TUT4: variants seen among roughly 807,000 people sequenced by gnomAD.
The protein encoded by TUT4 is terminal uridylyltransferase 4.
TUT4 carries 36 observed loss-of-function variants against 192.2 expected under a neutral mutation model. The ratio of observed to expected loss-of-function variants is 0.19; its 90% CI spans 0.14 to 0.25. TUT4 has a LOEUF of 0.25. Among genes scored for constraint, TUT4 ranks in the 10% least tolerant of loss-of-function variants. The pLI is 1.00. For missense variants in TUT4, 1,493 were observed against 1,957.2 expected, an observed-to-expected ratio of 0.76 and a Z score of 4.47; for synonymous variants, 618 against 666.0, an observed-to-expected ratio of 0.93 and a Z score of 1.11.
chr1:52,462,969 C>A (rs1570571273), intron 16 of TUT4: 1 of 985,422 alleles, frequency 1.0e-6, no homozygotes, highest in African/African-American at 1.7e-5. Flanking sequence ...GGAGCCATTG[C>A]AGCTAAACCA....
intron 1 of TUT4, among the ~76,000 whole-genome samples, chr1:52,547,226 C>T (rs1466644698): frequency 6.7e-6 from 1 of 150,216 alleles, no homozygotes; most frequent in Non-Finnish European, 1.5e-5. Context: ...TTTTTAAAAA[C>T]GGGTAAAGGA....
intron 6 of TUT4, among the ~76,000 whole-genome samples, chr1:52,493,883 ACTT>A (rs1168266896): frequency 6.6e-6 from 1 of 151,762 alleles, no homozygotes; most frequent in Non-Finnish European, 1.5e-5. Context: ...TACAGCCTGA[ACTT>A]CTGGGCTCAA....
chr1:52,429,259 AT>A (rs1314473553), intron 28 of TUT4, among the ~76,000 whole-genome samples: 1 of 150,724 alleles, frequency 6.6e-6, no homozygotes, highest in Non-Finnish European at 1.5e-5. Context: ...GATTTTTTGT[AT>A]TTTTTAAGTA....
At chr1:52,465,235 A>C in intron 15 of TUT4, 62 bp from the exon 16 acceptor site, 7 of 1,147,936 alleles carry the variant, frequency 6.1e-6, no homozygotes, top group Non-Finnish European at 9.0e-6. Flanking sequence ...GTCTTCTGCT[A>C]TCTGCTGATG....
intron 6 of TUT4, among the ~76,000 whole-genome samples, 169 bp from the exon 7 acceptor site, chr1:52,493,831 G>C (rs1276447163): frequency 6.6e-6 from 1 of 151,334 alleles, no homozygotes; most frequent in African/African-American, 2.4e-5. Flanking sequence ...TTGAGATGAG[G>C]TTTCCCTGTA....
chr1:52,536,021 G>C (rs1195754892), intron 1 of TUT4, among the ~76,000 whole-genome samples: 4 of 152,168 alleles, frequency 2.6e-5, no homozygotes, highest in Non-Finnish European at 5.9e-5. Context: ...GAGATGAAAA[G>C]ACATTAGACA....
intron 2 of TUT4, among the ~76,000 whole-genome samples, chr1:52,519,706 G>A (rs964022882): frequency 1.3e-5 from 2 of 151,928 alleles, no homozygotes; most frequent in South Asian, 2.1e-4. Context: ...ACGGGGTTTC[G>A]CCATGTTGGC....
chr1:52,444,104 C>T (rs1198450436), intron 24 of TUT4, among the ~76,000 whole-genome samples: 1 of 152,008 alleles, frequency 6.6e-6, no homozygotes, highest in Non-Finnish European at 1.5e-5. Flanking sequence ...GGCGTGGTGT[C>T]GGGCGCCTGT....
Position 52,438,351 on chromosome 1 carries a change from A to G in TUT4, c.3823-16T>C. On this transcript the variant is annotated splice_polypyrimidine_tract_variant and intron_variant, in intron 24 of 29. Transcript: ENST00000257177. ...AGAAGTACTCCTAGGGAGAAAATGC[A>G]ATTTTACTAGGAGGAATCACTATAA... The G allele has an allele frequency of 6.4e-7, 1 of 1,567,968 alleles. No individual in the cohort carries two copies. Among genetic ancestry groups the G allele is most frequent in the Non-Finnish European group, 8.7e-7 (1 of 1,148,280 alleles).
intron 1 of TUT4, among the ~76,000 whole-genome samples, chr1:52,533,095 C>T (rs986923839): frequency 1.3e-5 from 2 of 152,162 alleles, no homozygotes; most frequent in Non-Finnish European, 2.9e-5. Flanking sequence ...CAAACAAACC[C>T]AGGTCATGTC....
Position 52,431,077 on chromosome 1 carries a change from A to G in TUT4, c.4647T>C (p.Asp1549=), listed in dbSNP as rs140554523. 8.7e-6 allele frequency: 14 copies of G among 1,613,928 alleles called. No homozygotes were observed. The highest frequency in any genetic ancestry group is 1.1e-5 in the Non-Finnish European group (13 of 1,179,826). The change falls in exon 28 of 30, where the codon GAT becomes GAC. Residue 1549 remains aspartate, a synonymous_variant. Coordinates refer to ENST00000257177, the MANE Select transcript of TUT4 (RefSeq NM_001009881.3). ...RPVAIPNTSH[D]GHWPRTVAPN... ...GAGCCACAGTACGGGGCCAGTGTCC[A>G]TCGTGAGACGTGTTAGGGATTGCCA...
chr1:52,498,496 G>A lies in TUT4; in HGVS notation c.1000-1313C>T, dbSNP rs562944005. 1.1e-4 allele frequency among the ~76,000 whole-genome samples: 17 copies of A among 151,854 alleles called. No individual in the cohort carries two copies. The South Asian group carries it at 2.5e-3, about 22-fold the overall frequency. On this transcript the variant is annotated intron_variant, in intron 4 of 29. Coordinates refer to ENST00000257177, the MANE Select transcript of TUT4 (RefSeq NM_001009881.3). Reference sequence around the variant, plus strand: ...GCTGACCTCGTGGTCCACCCACCTCGGCCTCCCAAAGTGGTGGGATTACAG... The same window carrying A: ...GCTGACCTCGTGGTCCACCCACCTCAGCCTCCCAAAGTGGTGGGATTACAG...
Position 52,467,679 on chromosome 1 carries a change from G to C in TUT4, c.2965+502C>G, listed in dbSNP as rs76604831. 5.2e-3 allele frequency among the ~76,000 whole-genome samples: 797 copies of C among 152,130 alleles called. 31 individuals carry two copies. In the East Asian group the frequency reaches 0.095, roughly 18 times the overall value. Reference sequence around the variant, plus strand: ...AAAGGCTTTCTACCAACATCCATAAGGCACTAATGACTTAATCCCTAGACC... The same window carrying C: ...AAAGGCTTTCTACCAACATCCATAACGCACTAATGACTTAATCCCTAGACC... On this transcript the variant is annotated intron_variant, in intron 15 of 29. Transcript: ENST00000257177.
At position 52,532,077 on chromosome 1, in the gene TUT4, G is replaced by A. The variant is rs537384477; in HGVS notation, c.-93-5704C>T. On this transcript the variant is annotated intron_variant, in intron 1 of 29. Transcript: ENST00000257177. The stretch of plus-strand genomic sequence containing the variant: ...TAATTTTTGTATTTTTAGCAGATAC[G>A]GGGTTTTACCATGTTGGTCAGGATG... 4.0e-5 allele frequency among the ~76,000 whole-genome samples: 6 copies of A among 151,242 alleles called. No individual in the cohort carries two copies. In the South Asian group the frequency reaches 8.4e-4, roughly 21 times the overall value.
At chr1:52,511,812 TTA>T (rs1677232716) in intron 3 of TUT4, among the ~76,000 whole-genome samples, 1 of 152,212 alleles carries the variant, frequency 6.6e-6, no homozygotes, top group African/African-American at 2.4e-5. Flanking sequence ...CATTGAAGGT[TTA>T]TGAGCAGAGA....
At chr1:52,534,087 A>G (rs761128499) in intron 1 of TUT4, among the ~76,000 whole-genome samples, 56 of 152,234 alleles carry the variant, frequency 3.7e-4, no homozygotes, top group Admixed American at 6.5e-4. Flanking sequence ...CACTCCCCTC[A>G]TTCATTCCTT....
chr1:52,436,682 G>A, intron 26 of TUT4, 73 bp downstream of exon 26: 1 of 1,592,422 alleles, frequency 6.3e-7, no homozygotes, highest in Non-Finnish European at 8.6e-7. Context: ...AGAGGAATTA[G>A]GGTCATTTAG....
chr1:52,510,317 CAAAAAA>C (rs200690805), intron 3 of TUT4, among the ~76,000 whole-genome samples: 12 of 78,608 alleles, frequency 1.5e-4, no homozygotes, highest in South Asian at 1.3e-3. Flanking sequence ...TTCGTATTAA[CAAAAAA>C]AAAAAAAAAA....
At position 52,475,455 on chromosome 1, in the gene TUT4, C is replaced by T. The variant is rs774990187; in HGVS notation, c.2104G>A (p.Ala702Thr). The T allele has an allele frequency of 6.2e-7, 1 of 1,614,106 alleles. No individual in the cohort carries two copies. Among genetic ancestry groups the T allele is most frequent in the Admixed American group, 1.7e-5 (1 of 60,026 alleles). ...GGACAGGCAAAATACCGATAAGCTG[C>T]CCTAAATCTCTCCACAACATATTCG... is the stretch of plus-strand genomic sequence containing the variant. ...VYEYVVERFR[A>T]AYRYFACPQT... The change falls in exon 13 of 30, where the codon GCA (alanine) becomes ACA (threonine). Residue 702 changes from alanine to threonine, a missense_variant. Coordinates refer to ENST00000257177, the MANE Select transcript of TUT4 (RefSeq NM_001009881.3).
Sources: gnomAD v4.1 joint callset for allele counts (sites outside exome capture counted in the v4.1 genomes callset) on GRCh38, gnomAD v4.1.1 for gene constraint, MANE v1.5 for transcripts, NCBI Gene and HGNC (gene_info 2026-07-23, HGNC 2026-07-21) for gene names.